The following SSH2 variants were observed in gnomAD, a reference collection of about 807,000 sequenced individuals.
SSH2 encodes the protein slingshot protein phosphatase 2.
A neutral mutation model predicts 135.2 loss-of-function variants in SSH2; 37 were observed. The ratio of observed to expected loss-of-function variants is 0.27; its 90% CI spans 0.21 to 0.36. The LOEUF (loss-of-function observed/expected upper bound fraction) is 0.36. Among genes scored for constraint, SSH2 ranks in the 10% least tolerant of loss-of-function variants. The probability of loss-of-function intolerance (pLI) is 1.00; values close to 1 mark genes in which losing one functional copy is unlikely to be tolerated. For missense variants in SSH2, 1,408 were observed against 1,765.3 expected (o/e 0.80, Z 3.63); for synonymous variants, 628 against 646.2 (o/e 0.97, Z 0.43).
At chr17:29,735,691 T>A (rs1368372503) in intron 3 of SSH2, among the ~76,000 whole-genome samples, 1 of 139,610 alleles carries the variant, frequency 7.2e-6, no homozygotes, top group Non-Finnish European at 1.5e-5. Flanking sequence ...AGCAAGATTC[T>A]GTCTCAAAAA....
intron 3 of SSH2, among the ~76,000 whole-genome samples, chr17:29,762,685 G>A (rs930237018): frequency 3.3e-5 from 5 of 152,150 alleles, no homozygotes; most frequent in Admixed American, 1.3e-4. Context: ...CACCTGACCA[G>A]GGACCAGCTC....
intron 2 of SSH2, among the ~76,000 whole-genome samples, chr17:29,829,217 A>G (rs1431667103): frequency 6.6e-6 from 1 of 152,206 alleles, no homozygotes; most frequent in Admixed American, 6.5e-5. Context: ...TGCAACCATT[A>G]TCTCATTTAA....
intron 2 of SSH2, among the ~76,000 whole-genome samples, chr17:29,813,255 C>A (rs2042480735): frequency 6.6e-6 from 1 of 151,602 alleles, no homozygotes; most frequent in Non-Finnish European, 1.5e-5. Flanking sequence ...CAGTGGTGAG[C>A]GCCTGTAATC....
At chr17:29,667,293 A>G in intron 9 of SSH2, 70 bp from the exon 10 acceptor site, 1 of 1,140,996 alleles carries the variant, frequency 8.8e-7, no homozygotes, top group Non-Finnish European at 1.3e-6. Flanking sequence ...AATGGGAAAG[A>G]AAGAAGAATG....
chr17:29,776,631 G>C (rs2041707092), intron 3 of SSH2: 2 of 152,234 alleles, frequency 1.3e-5, no homozygotes, highest in South Asian at 4.1e-4. Context: ...TTTGGAATTT[G>C]ATGGGGCGAA....
chr17:29,850,711 C>A (rs930454185), intron 1 of SSH2, among the ~76,000 whole-genome samples: 5 of 152,162 alleles, frequency 3.3e-5, no homozygotes, highest in African/African-American at 4.8e-5. Flanking sequence ...GTTGCCCGAG[C>A]GTGGTGGCTC....
chr17:29,794,146 C>T (rs763714743), intron 2 of SSH2, among the ~76,000 whole-genome samples: 3 of 152,160 alleles, frequency 2.0e-5, no homozygotes, highest in Admixed American at 6.5e-5. Context: ...GTAACTTCAA[C>T]AGTAGTCCAT....
intron 3 of SSH2, among the ~76,000 whole-genome samples, chr17:29,791,762 A>ATT (rs1420721025): frequency 6.6e-6 from 1 of 152,146 alleles, no homozygotes; most frequent in Non-Finnish European, 1.5e-5. Context: ...GCAAATTTTG[A>ATT]TTTTTTAATA....
chr17:29,761,038 G>A, intron 3 of SSH2: 1 of 1,130,340 alleles, frequency 8.8e-7, no homozygotes, highest in Non-Finnish European at 1.2e-6. Flanking sequence ...CAAGCAGGAT[G>A]CGCGCTCGCC....
intron 3 of SSH2, among the ~76,000 whole-genome samples, chr17:29,732,437 G>A (rs1469333935): frequency 6.6e-6 from 1 of 152,096 alleles, no homozygotes; most frequent in Non-Finnish European, 1.5e-5. Flanking sequence ...TTAACTTCTG[G>A]CTTCTTTCTG....
chr17:29,672,012 T>C lies in SSH2; in HGVS notation c.732A>G (p.Gln244=). The C allele has an allele frequency of 6.2e-7, 1 of 1,614,124 alleles. No homozygotes were observed. Among genetic ancestry groups the C allele is most frequent in the Non-Finnish European group, 8.5e-7 (1 of 1,180,004 alleles). ...SYYESHINSD[Q]SSVNEWNAMQ... is the part of the protein sequence containing the mutation. ...TTGCATTCCATTCATTGACTGAGGA[T>C]TGATCTGAGTTGATATGGCTCTCAT... Residue 244 remains glutamine, a synonymous_variant, in exon 9 of 16, where the codon CAA becomes CAG. Transcript: ENST00000540801.
intron 3 of SSH2, among the ~76,000 whole-genome samples, chr17:29,790,270 T>G (rs2042041112): frequency 1.3e-5 from 2 of 152,114 alleles, no homozygotes; most frequent in Non-Finnish European, 2.9e-5. Flanking sequence ...GAGCCCCCCA[T>G]GACGTGTCCT....
chr17:29,691,056 T>C (rs1057204944), intron 5 of SSH2, among the ~76,000 whole-genome samples: 1 of 151,818 alleles, frequency 6.6e-6, no homozygotes, highest in Non-Finnish European at 1.5e-5. Context: ...GAATACAGAG[T>C]GATTTTTATT....
intron 12 of SSH2, among the ~76,000 whole-genome samples, chr17:29,652,103 T>C (rs756990057): frequency 1.4e-4 from 21 of 151,972 alleles, no homozygotes; most frequent in Non-Finnish European, 2.4e-4. Context: ...GATTGCGCCA[T>C]TGCACTCCAG....
In SSH2 at chr17:29,929,918, G is replaced by A; in HGVS notation, c.63+20C>T. ...CCGCAGTGACAGAAGCAAGCGGAGC[G>A]GCCGCCAGGAAGGACTCACCGAGGC... is the stretch of plus-strand genomic sequence containing the variant. On this transcript the variant is annotated intron_variant, in intron 1 of 15. Coordinates refer to ENST00000540801, the MANE Select transcript of SSH2 (RefSeq NM_001282129.2). 5 of 1,581,986 alleles carry A rather than the reference G, an allele frequency of 3.2e-6. No homozygotes were observed. The highest frequency in any genetic ancestry group is 4.6e-5 in the East Asian group (2 of 43,246).
At chr17:29,794,033 T>G in intron 2 of SSH2, 96 bp from the exon 3 acceptor site, 4 of 947,962 alleles carry the variant, frequency 4.2e-6, no homozygotes, top group Non-Finnish European at 6.6e-6. Context: ...TGTTGTGTAC[T>G]TGAACTAAAT....
chr17:29,814,377 G>A (rs1486161629), intron 2 of SSH2, among the ~76,000 whole-genome samples: 1 of 136,734 alleles, frequency 7.3e-6, no homozygotes, highest in Non-Finnish European at 1.5e-5. Flanking sequence ...AGCTTGCAGT[G>A]AGTGGAGATT....
intron 3 of SSH2, among the ~76,000 whole-genome samples, chr17:29,724,581 CTTT>C (rs560435177): frequency 4.2e-3 from 324 of 76,538 alleles, no homozygotes; most frequent in Non-Finnish European, 5.4e-3. Flanking sequence ...ATTACCAAAT[CTTT>C]TTTTTTTTTT....
chr17:29,872,762 G>A (rs2065959893), intron 1 of SSH2, among the ~76,000 whole-genome samples: 1 of 151,810 alleles, frequency 6.6e-6, no homozygotes, highest in Non-Finnish European at 1.5e-5. Context: ...TTTGGGAGGC[G>A]AGGCAGGTGG....
Sources: gnomAD v4.1 joint callset for allele counts (sites outside exome capture counted in the v4.1 genomes callset) on GRCh38, gnomAD v4.1.1 for gene constraint, MANE v1.5 for transcripts, NCBI Gene and HGNC (gene_info 2026-07-23, HGNC 2026-07-21) for gene names.